Variants in TNNI3K observed in about 807,000 individuals in gnomAD.
The protein encoded by TNNI3K is TNNI3 interacting kinase, also known as serine/threonine-protein kinase TNNI3K.
TNNI3K carries 140 observed loss-of-function variants against 114.5 expected under a neutral mutation model. The ratio of observed to expected loss-of-function variants is 1.22; its 90% confidence interval spans 1.07 to 1.41. The LOEUF (loss-of-function observed/expected upper bound fraction) is 1.41, where lower values mean the gene tolerates loss of function less well. TNNI3K is among the 40% of genes most tolerant of loss of function. The pLI, the probability that TNNI3K is intolerant of heterozygous loss-of-function variation, is 0.00. For missense variants in TNNI3K, 1,125 were observed against 1,007.6 expected (o/e 1.12, Z -1.58); for synonymous variants, 347 against 347.5 (o/e 1.00, Z 0.02).
intron 21 of TNNI3K, among the ~76,000 whole-genome samples, chr1:74,485,074 G>A (rs2100274843): frequency 6.6e-6 from 1 of 152,284 alleles, no homozygotes; most frequent in Non-Finnish European, 1.5e-5. Context: ...AGGTGTCTAA[G>A]AGTAAATAAA....
intron 17 of TNNI3K, among the ~76,000 whole-genome samples, chr1:74,408,149 T>TA (rs1195567391): frequency 6.6e-6 from 1 of 152,182 alleles, no homozygotes; most frequent in Non-Finnish European, 1.5e-5. Context: ...TGAGCACCCT[T>TA]ATGTCACATA....
At chr1:74,456,964 T>A (rs1667251826) in intron 20 of TNNI3K, among the ~76,000 whole-genome samples, 1 of 152,174 alleles carries the variant, frequency 6.6e-6, no homozygotes, top group Non-Finnish European at 1.5e-5. Flanking sequence ...TGGTAGCCAT[T>A]TGAGTTTACT....
intron 5 of TNNI3K, among the ~76,000 whole-genome samples, chr1:74,306,264 T>C (rs1049007323): frequency 6.6e-6 from 1 of 152,234 alleles, no homozygotes; most frequent in Non-Finnish European, 1.5e-5. Flanking sequence ...ACATTTTCTT[T>C]ATCCAATCCA....
chr1:74,309,143 C>T (rs932518993), intron 5 of TNNI3K, among the ~76,000 whole-genome samples: 9 of 150,876 alleles, frequency 6.0e-5, no homozygotes, highest in Admixed American at 1.3e-4. Flanking sequence ...CCGAGGTGGG[C>T]GGATCACGAG....
chr1:74,250,756 T>C lies in TNNI3K; in HGVS notation c.320T>C (p.Leu107Ser). The C allele has an allele frequency of 6.2e-7, 1 of 1,612,216 alleles. No homozygotes were observed. Reference sequence around the variant, plus strand: ...AGAAATGGATTTACAGCCTTGCATTTAGCAGTTTACAAGGTAGGACACTTT... The same window carrying C: ...AGAAATGGATTTACAGCCTTGCATTCAGCAGTTTACAAGGTAGGACACTTT... ...LTRNGFTALH[L>S]AVYKDNAELI... Residue 107 changes from leucine (L) to serine (S), a missense_variant, in exon 4 of 25, where the codon TTA becomes TCA. By Grantham distance (145) the Leu-to-Ser change is moderately radical. Transcript: ENST00000326637.
chr1:74,346,185 C>T (rs1046700957), intron 9 of TNNI3K: 1 of 152,140 alleles, frequency 6.6e-6, no homozygotes, highest in Admixed American at 6.6e-5. Flanking sequence ...CCAAGATCCT[C>T]TGGTTTGTGT....
In TNNI3K at chr1:74,269,650, A is replaced by G. The variant is rs369065799; in HGVS notation, c.334-1948A>G. ...AGGTCCCTTGGAATAAAAAAGTGCC[A>G]TTCATATAAATAAGGAATGTTAGAT... is the stretch of plus-strand genomic sequence containing the variant. On this transcript the variant is annotated intron_variant, in intron 4 of 24. Coordinates refer to ENST00000326637, the MANE Select transcript of TNNI3K (RefSeq NM_015978.3). 3.3e-5 allele frequency among the ~76,000 whole-genome samples: 5 copies of G among 152,022 alleles called. No individual in the cohort carries two copies. In the East Asian group the frequency reaches 5.8e-4, roughly 18 times the overall value.
intron 23 of TNNI3K, among the ~76,000 whole-genome samples, chr1:74,533,064 T>C (rs1455019126): frequency 2.0e-5 from 3 of 152,006 alleles, no homozygotes; most frequent in Admixed American, 6.6e-5. Flanking sequence ...AATTGACAAA[T>C]GGGATCTAAT....
At chr1:74,333,100 T>C (rs965648140) in intron 6 of TNNI3K, among the ~76,000 whole-genome samples, 1 of 152,178 alleles carries the variant, frequency 6.6e-6, no homozygotes, top group Non-Finnish European at 1.5e-5. Flanking sequence ...GTTAGAATTA[T>C]ACCTTTTTAC....
At chr1:74,369,317 G>A in intron 15 of TNNI3K, 53 bp downstream of exon 15, 1 of 1,607,220 alleles carries the variant, frequency 6.2e-7, no homozygotes, top group South Asian at 1.1e-5. Context: ...TGACCTTTGA[G>A]AAGCATGTGC....
intron 5 of TNNI3K, among the ~76,000 whole-genome samples, chr1:74,286,808 A>T (rs994103092): frequency 6.6e-6 from 1 of 152,162 alleles, no homozygotes; most frequent in African/African-American, 2.4e-5. Context: ...ATGCACAGAT[A>T]CCAATACAAG....
chr1:74,443,129 C>T (rs1008521831), intron 20 of TNNI3K, among the ~76,000 whole-genome samples: 2 of 151,734 alleles, frequency 1.3e-5, no homozygotes, highest in African/African-American at 4.8e-5. Context: ...AAACAACCAC[C>T]AAAGCTAGCA....
At chr1:74,406,398 AG>A (rs1176536800) in intron 17 of TNNI3K, among the ~76,000 whole-genome samples, 3 of 152,156 alleles carry the variant, frequency 2.0e-5, no homozygotes, top group African/African-American at 7.2e-5. Context: ...TTCTTCTTCC[AG>A]TGTGGCCCAG....
At chr1:74,398,252 A>C (rs1303917270) in intron 17 of TNNI3K, among the ~76,000 whole-genome samples, 1 of 152,216 alleles carries the variant, frequency 6.6e-6, no homozygotes, top group Non-Finnish European at 1.5e-5. Context: ...AGCAAGATAC[A>C]GGCCACCCAA....
rs568245002 is a variant in TNNI3K at position 74,322,996 on chromosome 1, G to T, written c.445-8454G>T. ...GTTTTACTCTTTCTTAAAGTCTCTT[G>T]GTGCATCTCTATATGGAAAAATTGC... On this transcript the variant is annotated intron_variant, in intron 5 of 24. Coordinates refer to ENST00000326637, the MANE Select transcript of TNNI3K (RefSeq NM_015978.3). Among the ~76,000 whole-genome samples the T allele has an allele frequency of 2.0e-5, 3 of 151,996 alleles. No individual in the cohort carries two copies. The East Asian group carries it at 5.8e-4, about 29-fold the overall frequency.
At chr1:74,324,783 G>A (rs969296430) in intron 5 of TNNI3K, among the ~76,000 whole-genome samples, 18 of 152,166 alleles carry the variant, frequency 1.2e-4, no homozygotes, top group Non-Finnish European at 2.5e-4. Flanking sequence ...TTTCCTGAGG[G>A]AAGTTCTAAT....
intron 5 of TNNI3K, among the ~76,000 whole-genome samples, chr1:74,291,562 G>A (rs781110543): frequency 6.6e-6 from 1 of 151,440 alleles, no homozygotes; most frequent in African/African-American, 2.4e-5. Flanking sequence ...ACTTAATGTA[G>A]GTCACACAGC....
intron 11 of TNNI3K, among the ~76,000 whole-genome samples, chr1:74,354,335 G>C (rs1661545845): frequency 6.6e-6 from 1 of 152,062 alleles, no homozygotes. Flanking sequence ...ATGAACCAAA[G>C]GCATTCTCAG....
At chr1:74,421,950 TTTATTATTATTATTATTATTA>T (rs137874168) in intron 17 of TNNI3K, among the ~76,000 whole-genome samples, 160 of 145,410 alleles carry the variant, frequency 1.1e-3, no homozygotes, top group African/African-American at 3.6e-3. Context: ...CTGGATTGCT[TTTATTATTATTATTATTATTA>T]TTATTATTAT....
Sources: allele counts gnomAD v4.1 joint callset (sites outside exome capture counted in the v4.1 genomes callset), GRCh38; gene constraint gnomAD v4.1.1; transcripts MANE v1.5; gene names NCBI Gene and HGNC (gene_info 2026-07-23, HGNC 2026-07-21).